Variants in PCDHGB4 observed in about 807,000 individuals in gnomAD.
PCDHGB4 encodes the protein protocadherin gamma-B4.
PCDHGB4 carries 38 observed loss-of-function variants against 60.5 expected under a neutral mutation model. The ratio of observed to expected loss-of-function variants is 0.63; its 90% CI spans 0.48 to 0.82. The LOEUF (loss-of-function observed/expected upper bound fraction) is 0.82. PCDHGB4 is among the 40% of genes least tolerant of loss of function. PCDHGB4 has a pLI of 0.00. For synonymous variants in PCDHGB4, 456 were observed against 509.7 expected, an observed-to-expected ratio of 0.89 and a Z score of 1.42; for missense variants, 1,109 against 1,209.6, an observed-to-expected ratio of 0.92 and a Z score of 1.23.
chr5:141,478,758 T>C (rs1333135263), intron 1 of PCDHGB4: 2 of 1,515,540 alleles, frequency 1.3e-6, no homozygotes, highest in South Asian at 1.3e-5. Flanking sequence ...AGGGGGAAGA[T>C]ACTTGACTCA....
At chr5:141,433,699 T>C (rs2097645911) in intron 1 of PCDHGB4, among the ~76,000 whole-genome samples, 1 of 152,082 alleles carries the variant, frequency 6.6e-6, no homozygotes, top group Non-Finnish European at 1.5e-5. Flanking sequence ...TAGCCGGGCG[T>C]GGTGGTGCAT....
At chr5:141,409,520 T>TTG (rs767613304) in intron 1 of PCDHGB4, 2 of 1,613,966 alleles carry the variant, frequency 1.2e-6, no homozygotes, top group East Asian at 4.5e-5. Flanking sequence ...AAGCATCACC[T>TTG]TGTATGTCGC....
At position 141,389,293 on chromosome 5, in the gene PCDHGB4, C is replaced by T; in HGVS notation, c.1409C>T (p.Ser470Leu). ...AENNPPGASI[S>L]QVRASDPDLG... ...AACAACCCGCCTGGAGCCTCTATTT[C>T]ACAAGTCAGGGCTTCTGATCCGGAC... is the stretch of plus-strand genomic sequence containing the variant. The change falls in exon 1 of 4, where the codon TCA becomes TTA. Residue 470 changes from serine to leucine, a missense_variant. Transcript: ENST00000519479. 3 of 1,614,036 alleles carry T rather than the reference C, an allele frequency of 1.9e-6. No homozygotes were observed. Among genetic ancestry groups the T allele is most frequent in the Non-Finnish European group, 2.5e-6 (3 of 1,179,906 alleles).
intron 1 of PCDHGB4, chr5:141,404,552 G>A: frequency 6.2e-7 from 1 of 1,613,826 alleles, no homozygotes; most frequent in Non-Finnish European, 8.5e-7. Context: ...GCAGGTGACG[G>A]CAAGTGACAG....
In PCDHGB4 at chr5:141,389,581, G is replaced by C; in HGVS notation, c.1697G>C (p.Gly566Ala). The C allele has an allele frequency of 6.2e-7, 1 of 1,613,202 alleles. No homozygotes were observed. The highest frequency in any genetic ancestry group is 2.2e-5 in the East Asian group (1 of 44,868). Residue 566 changes from glycine (G) to alanine (A), a missense_variant, in exon 1 of 4, where the codon GGT (glycine) becomes GCT (alanine). Gly to Ala is a moderately conservative substitution (Grantham distance 60). Coordinates refer to ENST00000519479, the MANE Select transcript of PCDHGB4 (RefSeq NM_003736.4). ...NAPRVLYPALGPDGSALFDMV... is the reference protein window; with the variant it reads ...NAPRVLYPALAPDGSALFDMV... ...CCACGGGTGCTGTACCCCGCGCTGG[G>C]TCCCGACGGCTCTGCGCTCTTCGAT...
rs2091998485 is a variant in PCDHGB4 at position 141,389,990 on chromosome 5, C to T, written c.2106C>T (p.Leu702=). 1.9e-6 allele frequency: 3 copies of T among 1,614,044 alleles called. No homozygotes were observed. Among genetic ancestry groups the T allele is most frequent in the Non-Finnish European group, 8.5e-7 (1 of 1,179,900 alleles). Residue 702 remains leucine, a synonymous_variant, in exon 1 of 4, where the codon CTC becomes CTT. Coordinates refer to ENST00000519479, the MANE Select transcript of PCDHGB4 (RefSeq NM_003736.4). The part of the protein sequence containing the change: ...VALALISVLF[L]VAMILAIALR... Reference sequence around the variant, plus strand: ...TGGCCTTGATCTCAGTGCTCTTCCTCGTGGCCATGATTCTGGCCATTGCCT... The same window carrying T: ...TGGCCTTGATCTCAGTGCTCTTCCTTGTGGCCATGATTCTGGCCATTGCCT...
intron 1 of PCDHGB4, among the ~76,000 whole-genome samples, chr5:141,397,265 A>G (rs2093498946): frequency 6.6e-6 from 1 of 152,210 alleles, no homozygotes; most frequent in Non-Finnish European, 1.5e-5. Context: ...TTTCTTAGCT[A>G]CATCATATGG....
chr5:141,420,047 G>C (rs1242042066), intron 1 of PCDHGB4: 1 of 1,613,958 alleles, frequency 6.2e-7, no homozygotes, highest in East Asian at 2.2e-5. Flanking sequence ...CTTTGAGTCA[G>C]TTCTCTGCTC....
Position 141,431,021 on chromosome 5 carries a change from G to A in PCDHGB4, c.2397+40740G>A. On this transcript the variant is annotated intron_variant, in intron 1 of 3. Coordinates refer to ENST00000519479, the MANE Select transcript of PCDHGB4 (RefSeq NM_003736.4). This position sits in a 1 kb window ranked among gnomAD's most constrained non-coding sequence, Gnocchi z 4.8. ...GCGCAGCGGCAGCTTGGTCACGGCG[G>A]GCAGGATAGACCGGGAGGAGCTCTG... is the stretch of plus-strand genomic sequence containing the variant. 1 of 1,613,940 alleles carries A rather than the reference G, an allele frequency of 6.2e-7. No individual in the cohort carries two copies. Among genetic ancestry groups the A allele is most frequent in the Non-Finnish European group, 8.5e-7 (1 of 1,179,936 alleles).
chr5:141,477,260 G>A lies in PCDHGB4; in HGVS notation c.2398-17547G>A. On this transcript the variant is annotated intron_variant, in intron 1 of 3. Coordinates refer to ENST00000519479, the MANE Select transcript of PCDHGB4 (RefSeq NM_003736.4). This position sits in a 1 kb window ranked among gnomAD's most constrained non-coding sequence, Gnocchi z 4.9. ...GCTCAGTGTGACTGACCTGGATGCTGGCGAGAACGGGCTGGTGACCTGCGA... is the reference window on the plus strand; with the variant it reads ...GCTCAGTGTGACTGACCTGGATGCTAGCGAGAACGGGCTGGTGACCTGCGA... 6.2e-7 allele frequency: 1 copy of A among 1,614,200 alleles called. No homozygotes were observed. Among genetic ancestry groups the A allele is most frequent in the Non-Finnish European group, 8.5e-7 (1 of 1,180,048 alleles).
chr5:141,408,641 T>C, intron 1 of PCDHGB4: 1 of 1,614,034 alleles, frequency 6.2e-7, no homozygotes, highest in Non-Finnish European at 8.5e-7. Context: ...CGAATCTGCA[T>C]CCGCTGGTAC....
At chr5:141,469,782 G>A (rs760985231) in intron 1 of PCDHGB4, among the ~76,000 whole-genome samples, 8 of 152,204 alleles carry the variant, frequency 5.3e-5, no homozygotes, top group African/African-American at 1.7e-4. Context: ...TTATTACAGC[G>A]TTATTTGTAA....
In PCDHGB4 at chr5:141,432,358, G is replaced by A. The variant is rs750696244; in HGVS notation, c.2397+42077G>A. ...TCCGAGACTTGCAAGTGAAAGTGAT[G>A]GCGCGGGACAACGGGCACCCGCCCC... On this transcript the variant is annotated intron_variant, in intron 1 of 3. Transcript: ENST00000519479. This position sits in a 1 kb window ranked among gnomAD's most constrained non-coding sequence, Gnocchi z 6.0. The A allele has an allele frequency of 6.2e-7, 1 of 1,614,122 alleles. No homozygotes were observed. The highest frequency in any genetic ancestry group is 8.5e-7 in the Non-Finnish European group (1 of 1,180,060).
At chr5:141,405,020 A>G in intron 1 of PCDHGB4, 1 of 1,613,342 alleles carries the variant, frequency 6.2e-7, no homozygotes, top group Non-Finnish European at 8.5e-7. Context: ...CTCAGACCTT[A>G]CCCTCTACCT....
In PCDHGB4 at chr5:141,409,379, A is replaced by G. The variant is rs376174246; in HGVS notation, c.2397+19098A>G. On this transcript the variant is annotated intron_variant, in intron 1 of 3. Transcript: ENST00000519479. ...TAATATAGAAACAGACATTCCATTC[A>G]AGATTTATTCTTCTTCCAATAACTA... is the stretch of plus-strand genomic sequence containing the variant. The G allele has an allele frequency of 1.5e-5, 25 of 1,613,926 alleles. No homozygotes were observed. The highest frequency in any genetic ancestry group is 2.0e-5 in the Non-Finnish European group (24 of 1,179,908).
At position 141,431,513 on chromosome 5, in the gene PCDHGB4, C is replaced by A. The variant is rs1468442248; in HGVS notation, c.2397+41232C>A. ...TCAGCCCGAGTACCGCGCGAGCGTT[C>A]CGGAGAATCTGGCCTTGGGCACGCA... is the stretch of plus-strand genomic sequence containing the variant. On this transcript the variant is annotated intron_variant, in intron 1 of 3. Transcript: ENST00000519479. The surrounding 1 kb of genome is among the most constrained non-coding windows in gnomAD (Gnocchi z 4.8). 1 of 1,614,022 alleles carries A rather than the reference C, an allele frequency of 6.2e-7. No individual in the cohort carries two copies. The highest frequency in any genetic ancestry group is 1.7e-5 in the Admixed American group (1 of 60,032).
Position 141,487,665 on chromosome 5 carries a change from G to T in PCDHGB4, c.2398-7142G>T, listed in dbSNP as rs373971935. 8.7e-5 allele frequency: 141 copies of T among 1,612,724 alleles called. No individual in the cohort carries two copies. The highest frequency in any genetic ancestry group is 1.1e-4 in the Non-Finnish European group (135 of 1,179,392). On this transcript the variant is annotated intron_variant, in intron 1 of 3. Coordinates refer to ENST00000519479, the MANE Select transcript of PCDHGB4 (RefSeq NM_003736.4). The surrounding 1 kb of genome is among the most constrained non-coding windows in gnomAD (Gnocchi z 5.0). ...ATGCTTGAGGGTTATTCTGATCCAG[G>T]CATATGGCTAGGCCATGTCCTAGAG...
intron 1 of PCDHGB4, among the ~76,000 whole-genome samples, chr5:141,459,059 A>G (rs1219921155): frequency 2.6e-5 from 4 of 152,228 alleles, no homozygotes; most frequent in African/African-American, 4.8e-5. Context: ...AGTATAATTT[A>G]TATAACATAA....
intron 1 of PCDHGB4, chr5:141,393,683 G>A (rs370409157): frequency 9.9e-6 from 16 of 1,613,730 alleles, no homozygotes; most frequent in South Asian, 8.8e-5. Context: ...AACAAACTCC[G>A]TTATTCCAGC....
Sources: gnomAD v4.1 joint callset for allele counts (sites outside exome capture counted in the v4.1 genomes callset) on GRCh38, gnomAD v4.1.1 for gene constraint, Gnocchi (gnomAD v3.1) non-coding constraint, MANE v1.5 for transcripts, NCBI Gene and HGNC (gene_info 2026-07-23, HGNC 2026-07-21) for gene names.